The following CD247 variants were observed in gnomAD, a reference collection of about 807,000 sequenced individuals.
CD247 encodes CD247 molecule, also known as T-cell surface glycoprotein CD3 zeta chain.
CD247 carries 13 observed loss-of-function variants against 30.0 expected under a neutral mutation model. The observed-to-expected ratio is 0.43, with a 90% CI of 0.28 to 0.69. The LOEUF is 0.69. CD247 is among the 30% of genes least tolerant of loss of function. The pLI is 0.16. For missense variants in CD247, 193 were observed against 212.6 expected (o/e 0.91, Z 0.57); for synonymous variants, 72 against 80.0 (o/e 0.90, Z 0.53).
chr1:167,517,915 C>A (rs1655685399), intron 1 of CD247, among the ~76,000 whole-genome samples: 1 of 152,134 alleles, frequency 6.6e-6, no homozygotes, highest in Non-Finnish European at 1.5e-5. Context: ...GTGTTTCAGG[C>A]CATGACCTTG....
intron 1 of CD247, among the ~76,000 whole-genome samples, chr1:167,441,841 T>G (rs1176367226): frequency 6.6e-6 from 1 of 152,246 alleles, no homozygotes; most frequent in Non-Finnish European, 1.5e-5. Flanking sequence ...CTGGGGGCGG[T>G]GGCTCACGCC....
At chr1:167,503,418 C>A (rs578024588) in intron 1 of CD247, among the ~76,000 whole-genome samples, 1 of 152,216 alleles carries the variant, frequency 6.6e-6, no homozygotes, top group Non-Finnish European at 1.5e-5. Context: ...CCTGAAAAAC[C>A]AGATGCCAAG....
intron 1 of CD247, among the ~76,000 whole-genome samples, chr1:167,449,239 G>A (rs1273078681): frequency 1.5e-5 from 2 of 131,908 alleles, no homozygotes; most frequent in South Asian, 2.4e-4. Flanking sequence ...TGCAACCTCC[G>A]CCTCCCAGGT....
intron 7 of CD247, 69 bp from the exon 8 acceptor site, chr1:167,431,815 G>A: frequency 9.8e-6 from 13 of 1,326,096 alleles, no homozygotes; most frequent in Non-Finnish European, 1.3e-5. Context: ...CCAACCCAGA[G>A]GCCAACAGGT....
Position 167,470,523 on chromosome 1 carries a change from A to G in CD247, c.59-29756T>C, listed in dbSNP as rs1282428377. 4.9e-3 allele frequency among the ~76,000 whole-genome samples: 734 copies of G among 150,220 alleles called. 7 individuals carry two copies. The highest frequency in any genetic ancestry group is 0.016 in the African/African-American group (677 of 41,138). ...TAATTGTAAAAAAAAAAAAAAAAAA[A>G]AAAAGAAACAAGGAAAATACAGAAA... is the stretch of plus-strand genomic sequence containing the variant. On this transcript the variant is annotated intron_variant, in intron 1 of 7. Transcript: ENST00000362089.
chr1:167,477,097 CA>C (rs1188513396), intron 1 of CD247, among the ~76,000 whole-genome samples: 1 of 152,156 alleles, frequency 6.6e-6, no homozygotes, highest in East Asian at 1.9e-4. Flanking sequence ...TAGATAGAAG[CA>C]TTTTGGAATC....
At chr1:167,495,849 A>C (rs529007880) in intron 1 of CD247, among the ~76,000 whole-genome samples, 1 of 152,308 alleles carries the variant, frequency 6.6e-6, no homozygotes, top group African/African-American at 2.4e-5. Context: ...CCACCATCTT[A>C]GCAAGGACAT....
At chr1:167,459,751 A>G (rs1290734856) in intron 1 of CD247, 1 of 152,182 alleles carries the variant, frequency 6.6e-6, no homozygotes, top group East Asian at 1.9e-4. Flanking sequence ...TGAGCATATT[A>G]TTTGAAAATG....
intron 4 of CD247, among the ~76,000 whole-genome samples, chr1:167,437,877 C>CA (rs1405490679): frequency 2.0e-5 from 3 of 152,012 alleles, no homozygotes; most frequent in Non-Finnish European, 4.4e-5. Flanking sequence ...GTTCTCATCA[C>CA]AAAAAAGTTA....
rs367690333 is a variant in CD247 at position 167,438,595 on chromosome 1, C to T, written c.275G>A (p.Arg92Gln). Residue 92 changes from arginine (R) to glutamine (Q), a missense_variant, in exon 4 of 8, where the codon CGG (arginine) becomes CAG (glutamine). Transcript: ENST00000362089. ...EYDVLDKRRG[R>Q]DPEMGGKPQR... ...CGGCTTTCCCCCCATCTCAGGGTCC[C>T]GGCCACGTCTCTTGTCCAAAACATC... 4.6e-5 allele frequency: 74 copies of T among 1,613,900 alleles called. No homozygotes were observed. The African/African-American group carries it at 4.8e-4, about 10-fold the overall frequency.
intron 1 of CD247, among the ~76,000 whole-genome samples, chr1:167,491,264 A>T (rs554235896): frequency 6.6e-6 from 1 of 152,156 alleles, no homozygotes; most frequent in Non-Finnish European, 1.5e-5. Flanking sequence ...GTGGTTCCTC[A>T]GAAAGTTAAA....
intron 1 of CD247, among the ~76,000 whole-genome samples, chr1:167,489,302 C>T (rs2902153): frequency 0.018 from 2,673 of 152,260 alleles, 73 homozygotes; most frequent in African/African-American, 0.061. Flanking sequence ...TCCCACATCA[C>T]CTTCTTTGAA....
At chr1:167,493,332 C>G (rs138777888) in intron 1 of CD247, among the ~76,000 whole-genome samples, 3 of 152,078 alleles carry the variant, frequency 2.0e-5, no homozygotes, top group Non-Finnish European at 2.9e-5. Flanking sequence ...TGTGAGCCAC[C>G]GCACCTGGCC....
At chr1:167,462,240 G>C (rs1240036555) in intron 1 of CD247, among the ~76,000 whole-genome samples, 12 of 152,226 alleles carry the variant, frequency 7.9e-5, no homozygotes, top group Non-Finnish European at 1.5e-4. Flanking sequence ...CATGGACCAA[G>C]TTGGGATTTA....
intron 1 of CD247, among the ~76,000 whole-genome samples, chr1:167,499,973 T>A (rs772908093): frequency 6.6e-6 from 1 of 152,136 alleles, no homozygotes; most frequent in Non-Finnish European, 1.5e-5. Context: ...CTGACGACAA[T>A]CACACACACA....
At chr1:167,502,068 T>C (rs753629028) in intron 1 of CD247, among the ~76,000 whole-genome samples, 2 of 152,236 alleles carry the variant, frequency 1.3e-5, no homozygotes, top group Non-Finnish European at 2.9e-5. Context: ...GGGACAGGGC[T>C]GGCTCAGCAA....
intron 4 of CD247, 91 bp from the exon 5 acceptor site, chr1:167,435,525 A>G: frequency 9.6e-7 from 1 of 1,045,470 alleles, no homozygotes; most frequent in Non-Finnish European, 1.5e-6. Context: ...CCCTGACTGC[A>G]GTTTCCTGGG....
At chr1:167,464,712 T>C (rs551872547) in intron 1 of CD247, among the ~76,000 whole-genome samples, 1 of 152,188 alleles carries the variant, frequency 6.6e-6, no homozygotes, top group Non-Finnish European at 1.5e-5. Context: ...ACAGAGAATT[T>C]TGCCTGTAGT....
In CD247 at chr1:167,446,918, C is replaced by G. The variant is rs1369960174; in HGVS notation, c.59-6151G>C. Among the ~76,000 whole-genome samples, 9 of 152,206 alleles carry G rather than the reference C, an allele frequency of 5.9e-5. No homozygotes were observed. The East Asian group carries it at 1.7e-3, about 29-fold the overall frequency. On this transcript the variant is annotated intron_variant, in intron 1 of 7. Transcript: ENST00000362089. The stretch of plus-strand genomic sequence containing the variant: ...GCTGAGGCAGGAGAATGGTGTGAAC[C>G]CAGGAGGTGGAGCTTGCAGTAAGCG...
Sources: gnomAD v4.1 joint callset for allele counts (sites outside exome capture counted in the v4.1 genomes callset) on GRCh38, gnomAD v4.1.1 for gene constraint, MANE v1.5 for transcripts, NCBI Gene and HGNC (gene_info 2026-07-23, HGNC 2026-07-21) for gene names.